The following E4F1 variants were observed in gnomAD, a reference collection of about 807,000 sequenced individuals.
E4F1 encodes transcription factor E4F1.
Under a neutral mutation model 72.9 loss-of-function variants are expected in E4F1, and 30 were observed. That is an observed-to-expected ratio of 0.41 (90% CI 0.31 to 0.56). E4F1 has a LOEUF of 0.56. Among genes scored for constraint, E4F1 ranks in the 20% least tolerant of loss-of-function variants. The pLI is 0.25. For missense variants in E4F1, 1,091 were observed against 1,117.5 expected, an observed-to-expected ratio of 0.98 and a Z score of 0.34; for synonymous variants, 542 against 478.2, an observed-to-expected ratio of 1.13 and a Z score of -1.74.
chr16:2,232,044 A>T, intron 3 of E4F1, 127 bp from the exon 4 acceptor site: 1 of 1,188,696 alleles, frequency 8.4e-7, no homozygotes, highest in Non-Finnish European at 1.2e-6. Flanking sequence ...CTGTGTGTTG[A>T]GGGCTCAGTG....
At chr16:2,233,379 G>C (rs933369279) in intron 7 of E4F1, 59 bp from the exon 8 acceptor site, 47 of 1,465,292 alleles carry the variant, frequency 3.2e-5, no homozygotes, top group Non-Finnish European at 4.2e-5. Flanking sequence ...TCTGCCCCAT[G>C]GGGTGGGTGC....
intron 8 of E4F1, 112 bp from the exon 9 acceptor site, chr16:2,233,770 C>G: frequency 7.0e-7 from 1 of 1,423,368 alleles, no homozygotes; most frequent in Middle Eastern, 2.3e-4. Context: ...CTGTTTACTG[C>G]CTTCCCTGGG....
intron 3 of E4F1, chr16:2,230,017 A>G (rs2093457598): frequency 3.3e-6 from 1 of 300,082 alleles, no homozygotes; most frequent in Non-Finnish European, 6.7e-6. Context: ...CCCTGCCCGT[A>G]GGCAGCAACA....
At chr16:2,230,058 C>G (rs1233025399) in intron 3 of E4F1, 1 of 264,314 alleles carries the variant, frequency 3.8e-6, no homozygotes, top group Non-Finnish European at 7.8e-6. Flanking sequence ...ATGGCCCACT[C>G]GCCCAGCAGC....
At chr16:2,232,424 A>G in intron 4 of E4F1, 32 bp from the exon 5 acceptor site, 7 of 1,605,594 alleles carry the variant, frequency 4.4e-6, no homozygotes, top group Non-Finnish European at 3.4e-6. Flanking sequence ...TTCCCCCAGG[A>G]GGGCCCTGAG....
At chr16:2,228,310 A>G in intron 1 of E4F1, 62 bp from the exon 2 acceptor site, 3 of 1,601,864 alleles carry the variant, frequency 1.9e-6, no homozygotes, top group Non-Finnish European at 2.6e-6. Flanking sequence ...GAAAAGCCAG[A>G]CGGAGCCCTG....
At chr16:2,225,213 A>C (rs2093424258) in intron 1 of E4F1, among the ~76,000 whole-genome samples, 1 of 152,118 alleles carries the variant, frequency 6.6e-6, no homozygotes, top group Non-Finnish European at 1.5e-5. Context: ...ACTGTCTCAA[A>C]AAAAGAAAAA....
At chr16:2,229,390 C>G (rs547365145) in intron 2 of E4F1, among the ~76,000 whole-genome samples, 180 bp from the exon 3 acceptor site, 6 of 152,222 alleles carry the variant, frequency 3.9e-5, no homozygotes, top group Admixed American at 3.9e-4. Context: ...GGACTGGGAC[C>G]GGTGGTCGTG....
At chr16:2,229,920 GCT>G (rs1352511668) in intron 3 of E4F1, 1 of 485,052 alleles carries the variant, frequency 2.1e-6, no homozygotes, top group African/African-American at 2.0e-5. Context: ...ATTGGGCTGT[GCT>G]CTCTCCCGTC....
intron 2 of E4F1, 148 bp downstream of exon 2, chr16:2,228,671 C>G: frequency 9.3e-7 from 1 of 1,070,974 alleles, no homozygotes; most frequent in Non-Finnish European, 1.3e-6. Context: ...GTGGGAGGGT[C>G]CGGGTGTGTG....
At chr16:2,225,409 G>C (rs569050435) in intron 1 of E4F1, among the ~76,000 whole-genome samples, 95 of 151,466 alleles carry the variant, frequency 6.3e-4, no homozygotes, top group African/African-American at 2.2e-3. Context: ...TGAGGTGAGA[G>C]GATCACTTGA....
chr16:2,231,937 T>G, intron 3 of E4F1: 1 of 566,806 alleles, frequency 1.8e-6, no homozygotes, highest in Non-Finnish European at 3.1e-6. Context: ...TTAGGGGCCC[T>G]GGAGCATCTC....
intron 1 of E4F1, among the ~76,000 whole-genome samples, chr16:2,225,954 G>A (rs1443874288): frequency 1.3e-5 from 2 of 152,100 alleles, no homozygotes; most frequent in Admixed American, 6.5e-5. Flanking sequence ...TTAGCTGGCC[G>A]TGGTGGCAGG....
intron 10 of E4F1, 83 bp from the exon 11 acceptor site, chr16:2,234,500 C>T (rs1419807632): frequency 1.9e-6 from 3 of 1,560,192 alleles, no homozygotes; most frequent in Non-Finnish European, 2.6e-6. Context: ...TGACCCAGCC[C>T]CTCCCTTGGG....
At chr16:2,227,512 T>C (rs1051778595) in intron 1 of E4F1, among the ~76,000 whole-genome samples, 3 of 152,086 alleles carry the variant, frequency 2.0e-5, no homozygotes, top group African/African-American at 4.8e-5. Context: ...GCTGGGACTA[T>C]AGGCACCTGC....
chr16:2,223,700 A>T lies in E4F1; in HGVS notation c.87A>T (p.Ala29=). Residue 29 remains alanine, a synonymous_variant, in exon 1 of 14, where the codon GCA becomes GCT. Transcript: ENST00000301727. ...AEAGREAGEG[A]VAAVAAALAP... is the part of the protein sequence containing the mutation. ...CCGGGCGGGAAGCGGGCGAGGGTGC[A>T]GTTGCGGCGGTGGCGGCGGCCTTGG... The T allele has an allele frequency of 6.4e-7, 1 of 1,569,248 alleles. No homozygotes were observed. The highest frequency in any genetic ancestry group is 1.9e-4 in the Middle Eastern group (1 of 5,294).
At chr16:2,226,193 GTC>G (rs572559260) in intron 1 of E4F1, among the ~76,000 whole-genome samples, 10 of 152,354 alleles carry the variant, frequency 6.6e-5, no homozygotes, top group African/African-American at 2.4e-4. Flanking sequence ...AGGATTCATA[GTC>G]TCTGCCTTTT....
intron 1 of E4F1, among the ~76,000 whole-genome samples, chr16:2,224,841 A>G: frequency 6.6e-6 from 1 of 151,938 alleles, no homozygotes; most frequent in East Asian, 1.9e-4. Context: ...GTTGGATTGG[A>G]TCTCAGCACT....
intron 1 of E4F1, 125 bp downstream of exon 1, chr16:2,223,895 C>G (rs2093414375): frequency 6.5e-7 from 1 of 1,532,188 alleles, no homozygotes; most frequent in African/African-American, 1.4e-5. Flanking sequence ...TCGCGGATCT[C>G]GCGGGACCCT....
Sources: gnomAD v4.1 joint callset for allele counts (sites outside exome capture counted in the v4.1 genomes callset) on GRCh38, gnomAD v4.1.1 for gene constraint, MANE v1.5 for transcripts, NCBI Gene and HGNC (gene_info 2026-07-23, HGNC 2026-07-21) for gene names.